Variants in MED27 observed in about 807,000 individuals in gnomAD.
MED27 encodes mediator of RNA polymerase II transcription subunit 27.
A neutral mutation model predicts 38.2 loss-of-function variants in MED27; 30 were observed. That is an observed-to-expected ratio of 0.79 (90% CI 0.59 to 1.07). MED27 has a LOEUF of 1.07. MED27 is among the 50% of genes least tolerant of loss of function. The pLI is 0.00. For synonymous variants in MED27, 122 were observed against 153.5 expected (o/e 0.79, Z 1.52); for missense variants, 289 against 397.5 (o/e 0.73, Z 2.32).
At chr9:131,955,552 A>G (rs149962226) in intron 3 of MED27, among the ~76,000 whole-genome samples, 29 of 152,346 alleles carry the variant, frequency 1.9e-4, no homozygotes, top group Non-Finnish European at 3.7e-4. Context: ...ATAATTTATC[A>G]ATATCAGGAA....
At chr9:131,918,868 C>A (rs1830340327) in intron 4 of MED27, among the ~76,000 whole-genome samples, 1 of 152,170 alleles carries the variant, frequency 6.6e-6, no homozygotes, top group African/African-American at 2.4e-5. Flanking sequence ...CGGAGAACGG[C>A]CTCCCAGTTC....
intron 4 of MED27, among the ~76,000 whole-genome samples, chr9:131,908,142 C>CG (rs1345789256): frequency 9.8e-6 from 1 of 102,408 alleles, no homozygotes; most frequent in African/African-American, 2.8e-5. Flanking sequence ...GGTCAGCCCC[C>CG]CGCTCGGCCA....
At chr9:131,874,122 A>C (rs540702615) in intron 6 of MED27, among the ~76,000 whole-genome samples, 7 of 152,298 alleles carry the variant, frequency 4.6e-5, no homozygotes, top group Non-Finnish European at 8.8e-5. Context: ...CCATGGCAGC[A>C]ATGCCGGCTC....
Position 131,863,141 on chromosome 9 carries a change from C to T in MED27, c.724-1G>A. 1 of 1,614,014 alleles carries T rather than the reference C, an allele frequency of 6.2e-7. No individual in the cohort carries two copies. The highest frequency in any genetic ancestry group is 8.5e-7 in the Non-Finnish European group (1 of 1,179,948). Reference sequence around the variant, plus strand: ...GGGCAGTGGTGGCATGGTCTGTCACCTGAGAGTGAAGGACAAAGACGAGTT... The same window carrying T: ...GGGCAGTGGTGGCATGGTCTGTCACTTGAGAGTGAAGGACAAAGACGAGTT... On this transcript the variant is annotated splice_acceptor_variant, in intron 6 of 7. Coordinates refer to ENST00000292035, the MANE Select transcript of MED27 (RefSeq NM_004269.4). LOFTEE classifies it high-confidence loss of function.
chr9:131,944,760 G>A (rs1036244124), intron 3 of MED27, among the ~76,000 whole-genome samples: 4 of 152,064 alleles, frequency 2.6e-5, no homozygotes, highest in East Asian at 1.9e-4. Flanking sequence ...TCGAACTCCT[G>A]ACCTCAGGTG....
At chr9:131,902,831 T>A (rs2131519817) in intron 4 of MED27, among the ~76,000 whole-genome samples, 1 of 152,276 alleles carries the variant, frequency 6.6e-6, no homozygotes, top group African/African-American at 2.4e-5. Flanking sequence ...GAATTTAGGG[T>A]CTGTTTGCCA....
chr9:132,073,077 T>C (rs924644775), intron 2 of MED27, among the ~76,000 whole-genome samples: 6 of 152,010 alleles, frequency 3.9e-5, no homozygotes, highest in African/African-American at 1.5e-4. Context: ...CAAGTCCCAT[T>C]AGAAGGGCAC....
chr9:131,986,890 A>C (rs1831861729), intron 3 of MED27, among the ~76,000 whole-genome samples: 1 of 152,038 alleles, frequency 6.6e-6, no homozygotes, highest in Admixed American at 6.5e-5. Context: ...GCAGTCAATA[A>C]ATATTTGCTG....
chr9:132,071,325 G>A (rs1174684780), intron 2 of MED27, among the ~76,000 whole-genome samples: 3 of 150,710 alleles, frequency 2.0e-5, no homozygotes, highest in Non-Finnish European at 3.0e-5. Flanking sequence ...AGAAACAGGC[G>A]TCCCATGAAT....
chr9:132,008,130 A>G (rs1361087342), intron 3 of MED27, among the ~76,000 whole-genome samples: 1 of 152,254 alleles, frequency 6.6e-6, no homozygotes, highest in African/African-American at 2.4e-5. Context: ...TAGGCCATTC[A>G]GCCTGGCCAT....
At chr9:132,071,814 G>A (rs1340499815) in intron 2 of MED27, among the ~76,000 whole-genome samples, 1 of 145,528 alleles carries the variant, frequency 6.9e-6, no homozygotes, top group Non-Finnish European at 1.5e-5. Flanking sequence ...AGTAATGCAC[G>A]CCCCATAAGT....
intron 3 of MED27, among the ~76,000 whole-genome samples, chr9:131,994,924 G>A (rs187101456): frequency 8.1e-4 from 124 of 152,220 alleles, no homozygotes; most frequent in Non-Finnish European, 1.4e-3. Flanking sequence ...CTGGCATGTG[G>A]GTAAAAGCCA....
rs1286890815 is a variant in MED27, at chr9:131,872,170, CCT to C, written c.724-9032_724-9031del. On this transcript the variant is annotated intron_variant, in intron 6 of 7. Transcript: ENST00000292035. The surrounding 1 kb of genome is among the most constrained non-coding windows in gnomAD (Gnocchi z 5.6). Reference sequence around the variant, plus strand: ...CCAGGACCCAGGAGTTCACAGGCTCCCTGAGATGATTTTGGGTGCAGGTTCAA... The same window carrying C: ...CCAGGACCCAGGAGTTCACAGGCTCCGAGATGATTTTGGGTGCAGGTTCAA... Among the ~76,000 whole-genome samples the C allele has an allele frequency of 6.6e-6, 1 of 151,898 alleles. No homozygotes were observed. The highest frequency in any genetic ancestry group is 1.5e-5 in the Non-Finnish European group (1 of 68,026).
intron 4 of MED27, among the ~76,000 whole-genome samples, chr9:131,915,238 G>A (rs1193238779): frequency 6.6e-6 from 1 of 152,164 alleles, no homozygotes; most frequent in African/African-American, 2.4e-5. Context: ...CCAGTGAAGG[G>A]GGAGGTGACC....
chr9:131,913,529 C>T lies in MED27; in HGVS notation c.574-19537G>A, dbSNP rs942062007. Among the ~76,000 whole-genome samples the T allele has an allele frequency of 1.1e-4, 17 of 152,190 alleles. No homozygotes were observed. The highest frequency in any genetic ancestry group is 3.4e-4 in the African/African-American group (14 of 41,450). On this transcript the variant is annotated intron_variant, in intron 4 of 7. Transcript: ENST00000292035. The surrounding 1 kb of genome is among the most constrained non-coding windows in gnomAD (Gnocchi z 4.5). Reference sequence around the variant, plus strand: ...GTAGCAGTCATCAGAATAATATTCACAGTGGCAGGGGCATACTCTTCTAGG... The same window carrying T: ...GTAGCAGTCATCAGAATAATATTCATAGTGGCAGGGGCATACTCTTCTAGG...
intron 2 of MED27, among the ~76,000 whole-genome samples, chr9:132,066,986 G>C (rs73557125): frequency 0.028 from 4,270 of 152,294 alleles, 177 homozygotes; most frequent in African/African-American, 0.084. Flanking sequence ...ACCAAAATCT[G>C]AAAAAGTTAA....
chr9:131,959,704 G>A (rs370751984), intron 3 of MED27, among the ~76,000 whole-genome samples: 10 of 152,066 alleles, frequency 6.6e-5, no homozygotes, highest in African/African-American at 2.4e-4. Flanking sequence ...TGGTACATAC[G>A]GTAATTATTC....
chr9:131,890,955 A>G (rs536441165), intron 5 of MED27, among the ~76,000 whole-genome samples: 44 of 152,254 alleles, frequency 2.9e-4, no homozygotes, highest in Non-Finnish European at 5.6e-4. Flanking sequence ...TGGACATGTA[A>G]ATAATCATGA....
rs866367271 is a variant in MED27, at chr9:131,905,919, C to A, written c.574-11927G>T. 5.2e-4 allele frequency among the ~76,000 whole-genome samples: 79 copies of A among 151,898 alleles called. 1 individual carries two copies. Among genetic ancestry groups the A allele is most frequent in the African/African-American group, 1.8e-3 (74 of 41,366 alleles). On this transcript the variant is annotated intron_variant, in intron 4 of 7. Coordinates refer to ENST00000292035, the MANE Select transcript of MED27 (RefSeq NM_004269.4). ...TATGTGCAGGCCAGGCATTAGGCACCCAGAGTGAGAAATGAAATAGACATT... is the reference window on the plus strand; with the variant it reads ...TATGTGCAGGCCAGGCATTAGGCACACAGAGTGAGAAATGAAATAGACATT...
Sources: gnomAD v4.1 joint callset for allele counts (sites outside exome capture counted in the v4.1 genomes callset) on GRCh38, gnomAD v4.1.1 for gene constraint, Gnocchi (gnomAD v3.1) non-coding constraint, MANE v1.5 for transcripts, NCBI Gene and HGNC (gene_info 2026-07-23, HGNC 2026-07-21) for gene names.